TERF1: variants seen among roughly 807,000 people sequenced by gnomAD.
TERF1 encodes telomeric repeat binding factor 1, also known as telomeric repeat-binding factor 1.
A neutral mutation model predicts 55.1 loss-of-function variants in TERF1; 20 were observed. That is an observed-to-expected ratio of 0.36 (90% confidence interval 0.26 to 0.53). The LOEUF is 0.53. TERF1 is among the 20% of genes least tolerant of loss of function. TERF1 has a pLI of 0.91. For synonymous variants in TERF1, 168 were observed against 181.2 expected, an observed-to-expected ratio of 0.93 and a Z score of 0.59; for missense variants, 439 against 535.7, an observed-to-expected ratio of 0.82 and a Z score of 1.78.
intron 8 of TERF1, chr8:73,038,564 G>C (rs2129897445): frequency 6.5e-6 from 1 of 154,178 alleles, no homozygotes; most frequent in Middle Eastern, 3.3e-3. Context: ...TGTTGCTAAT[G>C]AATAGAAATC....
intron 8 of TERF1, among the ~76,000 whole-genome samples, chr8:73,037,552 CG>C (rs1167878596): frequency 2.3e-4 from 20 of 88,260 alleles, no homozygotes; most frequent in African/African-American, 4.7e-4. Context: ...ATAAAATATT[CG>C]GGGGGGAAAA....
chr8:73,033,901 A>G (rs1586056917), intron 8 of TERF1, among the ~76,000 whole-genome samples: 1 of 152,184 alleles, frequency 6.6e-6, no homozygotes, highest in South Asian at 2.1e-4. Flanking sequence ...CCCCCTCTTT[A>G]TAGTTTGAGG....
chr8:73,013,652 G>T, intron 1 of TERF1: 1 of 389,384 alleles, frequency 2.6e-6, no homozygotes, highest in Non-Finnish European at 4.6e-6. Context: ...TGTTAATGTA[G>T]ACTGCTACTT....
At position 73,022,518 on chromosome 8, in the gene TERF1, G is replaced by A. The variant is rs528160705; in HGVS notation, c.624+216G>A. 3.9e-5 allele frequency among the ~76,000 whole-genome samples: 6 copies of A among 152,258 alleles called. No homozygotes were observed. In the South Asian group the frequency reaches 1.0e-3, roughly 26 times the overall value. On this transcript the variant is annotated intron_variant, in intron 4 of 9. Coordinates refer to ENST00000276603, the MANE Select transcript of TERF1 (RefSeq NM_017489.3). ...CACCTATAATTCCAGCACTTTGGGA[G>A]GCTGAGGTGGGAGGATCTCTTGAGC...
Position 73,032,122 on chromosome 8 carries a change from G to C in TERF1, c.1028G>C (p.Gly343Ala), listed in dbSNP as rs777142237. 3 of 1,609,600 alleles carry C rather than the reference G, an allele frequency of 1.9e-6. No individual in the cohort carries two copies. The highest frequency in any genetic ancestry group is 2.5e-6 in the Non-Finnish European group (3 of 1,177,982). ...QDLNKKERRVGTPQSTKKKKE... is the reference protein window; with the variant it reads ...QDLNKKERRVATPQSTKKKKE... ...CTTAATAAGAAAGAAAGAAGAGTAG[G>C]AACTCCTCAAAGTGAGTACTGTTAT... Residue 343 changes from glycine to alanine, a missense_variant, in exon 8 of 10, where the codon GGA becomes GCA. Coordinates refer to ENST00000276603, the MANE Select transcript of TERF1 (RefSeq NM_017489.3).
intron 9 of TERF1, among the ~76,000 whole-genome samples, chr8:73,040,154 A>G (rs1188872439): frequency 6.6e-6 from 1 of 152,060 alleles, no homozygotes; most frequent in East Asian, 1.9e-4. Flanking sequence ...AGCAACTTCT[A>G]CTTTTCATTT....
chr8:73,020,056 G>A (rs936189869), intron 2 of TERF1, among the ~76,000 whole-genome samples: 6 of 152,162 alleles, frequency 3.9e-5, no homozygotes, highest in African/African-American at 9.7e-5. Context: ...GTTTTTAGGC[G>A]AGTGCCTATA....
intron 5 of TERF1, 105 bp from the exon 6 acceptor site, chr8:73,026,835 T>C: frequency 1.2e-6 from 1 of 833,312 alleles, no homozygotes; most frequent in Non-Finnish European, 1.9e-6. Context: ...ACAGATACAT[T>C]AGCTATGACT....
intron 9 of TERF1, chr8:73,042,827 C>T (rs1442611587): frequency 2.0e-5 from 3 of 152,060 alleles, no homozygotes; most frequent in African/African-American, 7.2e-5. Context: ...TCTTTTCAGG[C>T]TATTGGCATG....
intron 8 of TERF1, among the ~76,000 whole-genome samples, chr8:73,033,577 A>G (rs778685844): frequency 2.1e-4 from 32 of 152,138 alleles, no homozygotes; most frequent in Non-Finnish European, 3.7e-4. Flanking sequence ...TACTAAAAAT[A>G]GAAAAAATTA....
At chr8:73,018,704 A>C (rs1808629613) in intron 2 of TERF1, among the ~76,000 whole-genome samples, 1 of 152,320 alleles carries the variant, frequency 6.6e-6, no homozygotes, top group African/African-American at 2.4e-5. Context: ...AATAAAAATA[A>C]AAAATTCTCT....
chr8:73,012,691 G>A lies in TERF1; in HGVS notation c.320-1204G>A, dbSNP rs1194216057. ...TGTCTCAAAAAAAAAAAAAGGTGCC[G>A]TTAGACTTGGCTCAAGCTGGGCTGC... On this transcript the variant is annotated intron_variant, in intron 1 of 9. Coordinates refer to ENST00000276603, the MANE Select transcript of TERF1 (RefSeq NM_017489.3). Among the ~76,000 whole-genome samples the A allele has an allele frequency of 7.3e-5, 11 of 151,324 alleles. No homozygotes were observed. In the East Asian group the frequency reaches 1.6e-3, roughly 21 times the overall value.
intron 8 of TERF1, 81 bp from the exon 9 acceptor site, chr8:73,039,035 T>C (rs1809721219): frequency 2.0e-6 from 2 of 1,011,070 alleles, no homozygotes; most frequent in Non-Finnish European, 2.8e-6. Context: ...AAAAGGAATT[T>C]CATTATAATC....
At chr8:73,031,023 CTG>C (rs1456582941) in intron 7 of TERF1, 1 of 152,166 alleles carries the variant, frequency 6.6e-6, no homozygotes, top group Non-Finnish European at 1.5e-5. Context: ...AGAGAAAGAT[CTG>C]TGAATGATGA....
At chr8:73,038,386 T>C (rs141244598) in intron 8 of TERF1, among the ~76,000 whole-genome samples, 2,971 of 152,100 alleles carry the variant, frequency 0.02, 33 homozygotes, top group Middle Eastern at 0.041. Context: ...GAAGTATCAC[T>C]TGAGCCCAGG....
At chr8:73,032,263 A>G (rs1809321666) in intron 8 of TERF1, 130 bp downstream of exon 8, 2 of 618,722 alleles carry the variant, frequency 3.2e-6, no homozygotes, top group African/African-American at 1.9e-5. Flanking sequence ...TTGACTTCAT[A>G]GAGTTAATTG....
At chr8:73,041,390 G>A (rs1209206309) in intron 9 of TERF1, among the ~76,000 whole-genome samples, 1 of 152,102 alleles carries the variant, frequency 6.6e-6, no homozygotes, top group Non-Finnish European at 1.5e-5. Context: ...ATAACGCCCA[G>A]GATCCTGACT....
intron 9 of TERF1, among the ~76,000 whole-genome samples, chr8:73,041,141 T>G (rs1809815364): frequency 6.6e-6 from 1 of 152,202 alleles, no homozygotes; most frequent in Admixed American, 6.5e-5. Flanking sequence ...TGTTTTTTGC[T>G]TTTTAGCATG....
rs377539109 is a variant in TERF1, at chr8:73,021,561, C to T, written c.538-655C>T. ...TCCTTACTATTTGCCAGGCACTGTTCTAAACTCTTTCACATAAAACTCTTA... is the reference window on the plus strand; with the variant it reads ...TCCTTACTATTTGCCAGGCACTGTTTTAAACTCTTTCACATAAAACTCTTA... On this transcript the variant is annotated intron_variant, in intron 3 of 9. Coordinates refer to ENST00000276603, the MANE Select transcript of TERF1 (RefSeq NM_017489.3). Among the ~76,000 whole-genome samples the T allele has an allele frequency of 1.9e-4, 29 of 152,284 alleles. No homozygotes were observed. In the East Asian group the frequency reaches 4.2e-3, roughly 22 times the overall value.
Sources: allele counts gnomAD v4.1 joint callset (sites outside exome capture counted in the v4.1 genomes callset), GRCh38; gene constraint gnomAD v4.1.1; transcripts MANE v1.5; gene names NCBI Gene and HGNC (gene_info 2026-07-23, HGNC 2026-07-21).